The following APBB1IP variants were observed in gnomAD, a reference collection of about 807,000 sequenced individuals.
APBB1IP encodes amyloid beta A4 precursor protein-binding family B member 1-interacting protein.
APBB1IP carries 27 observed loss-of-function variants against 64.9 expected under a neutral mutation model. The ratio of observed to expected loss-of-function variants is 0.42; its 90% CI spans 0.31 to 0.57. The LOEUF is 0.57. Ranked by LOEUF, APBB1IP falls within the 20% of genes least tolerant of loss-of-function variation. The pLI is 0.20. For missense variants in APBB1IP, 812 were observed against 845.5 expected, an observed-to-expected ratio of 0.96 and a Z score of 0.49; for synonymous variants, 392 against 331.0, an observed-to-expected ratio of 1.18 and a Z score of -2.00.
intron 2 of APBB1IP, among the ~76,000 whole-genome samples, chr10:26,475,732 A>G (rs1835767880): frequency 6.6e-6 from 1 of 152,164 alleles, no homozygotes; most frequent in African/African-American, 2.4e-5. Flanking sequence ...AGACCAGATA[A>G]TATATCAGCA....
At chr10:26,496,125 T>C (rs1836021182) in intron 3 of APBB1IP, among the ~76,000 whole-genome samples, 179 bp from the exon 4 acceptor site, 2 of 151,466 alleles carry the variant, frequency 1.3e-5, no homozygotes, top group African/African-American at 4.9e-5. Context: ...ATTTTTAAGC[T>C]GTAATTTTCT....
chr10:26,493,859 CAG>C (rs1223658982), intron 3 of APBB1IP, among the ~76,000 whole-genome samples: 1 of 152,122 alleles, frequency 6.6e-6, no homozygotes, highest in South Asian at 2.1e-4. Flanking sequence ...TCTTGAGAGA[CAG>C]AGTCTCACTG....
chr10:26,438,899 G>C (rs976861004), intron 2 of APBB1IP, 46 bp downstream of exon 2: 2 of 152,118 alleles, frequency 1.3e-5, no homozygotes, highest in Non-Finnish European at 2.9e-5. Flanking sequence ...CGCCAGCACG[G>C]GCCCCTCGGG....
At chr10:26,522,224 A>G (rs1836411834) in intron 8 of APBB1IP, among the ~76,000 whole-genome samples, 1 of 152,128 alleles carries the variant, frequency 6.6e-6, no homozygotes, top group South Asian at 2.1e-4. Context: ...CTTTCTTTTC[A>G]GAACAGTTAG....
chr10:26,561,460 G>A lies in APBB1IP; in HGVS notation c.1369+616G>A, dbSNP rs146005539. ...CTGGAGCCCTGTATCTATTTTAAGC[G>A]CCTTTTAACAAAGCTTTGACCACTT... On this transcript the variant is annotated intron_variant, in intron 13 of 14. Transcript: ENST00000376236. Among the ~76,000 whole-genome samples the A allele has an allele frequency of 4.0e-3, 588 of 148,732 alleles. 2 individuals are homozygous for A. The highest frequency in any genetic ancestry group is 0.014 in the African/African-American group (562 of 40,474).
intron 14 of APBB1IP, 53 bp from the exon 15 acceptor site, chr10:26,566,908 T>A (rs1010867244): frequency 4.0e-6 from 6 of 1,497,834 alleles, no homozygotes; most frequent in Non-Finnish European, 5.3e-6. Context: ...AACAATAAAT[T>A]TAAAATTTCA....
At position 26,567,110 on chromosome 10, in the gene APBB1IP, A is replaced by C; in HGVS notation, c.1623A>C (p.Thr541=). The change falls in exon 15 of 15, where the codon ACA becomes ACC. Residue 541 remains threonine, a synonymous_variant. Coordinates refer to ENST00000376236, the MANE Select transcript of APBB1IP (RefSeq NM_019043.4). ...SPATPLKAKG[T]GGGGLPAPPD... ...CCACGCCCCTCAAGGCCAAGGGCAC[A>C]GGCGGCGGGGGCTTGCCCGCCCCAC... 1 of 1,431,096 alleles carries C rather than the reference A, an allele frequency of 7.0e-7. No homozygotes were observed. The highest frequency in any genetic ancestry group is 1.5e-5 in the African/African-American group (1 of 65,606). 88.6% of individuals were successfully genotyped at this position (1,431,096 alleles called of 1,614,324 possible). A position where few individuals can be genotyped will look rare whatever the true frequency, so the allele number is the denominator to read the frequency against.
chr10:26,480,324 C>T (rs1835820140), intron 2 of APBB1IP, among the ~76,000 whole-genome samples: 1 of 152,156 alleles, frequency 6.6e-6, no homozygotes, highest in South Asian at 2.1e-4. Context: ...TTGTGTGCTG[C>T]TGCTGGGGTG....
At chr10:26,449,978 C>A (rs1245898365) in intron 2 of APBB1IP, among the ~76,000 whole-genome samples, 2 of 151,912 alleles carry the variant, frequency 1.3e-5, no homozygotes, top group African/African-American at 4.8e-5. Context: ...TATACTCCAA[C>A]CTGGGTGACA....
chr10:26,495,315 A>G (rs1836007509), intron 3 of APBB1IP, among the ~76,000 whole-genome samples: 1 of 151,790 alleles, frequency 6.6e-6, no homozygotes, highest in East Asian at 1.9e-4. Flanking sequence ...ATTTCTTAAG[A>G]TGAGGACTGT....
chr10:26,486,125 G>A (rs559401049), intron 2 of APBB1IP, among the ~76,000 whole-genome samples: 6 of 152,134 alleles, frequency 3.9e-5, no homozygotes, highest in South Asian at 2.1e-4. Context: ...AAAAGGCCCC[G>A]AATGGGACAA....
chr10:26,520,636 G>C (rs755856363), intron 8 of APBB1IP, among the ~76,000 whole-genome samples: 1 of 152,214 alleles, frequency 6.6e-6, no homozygotes, highest in Non-Finnish European at 1.5e-5. Flanking sequence ...TGATATGCTT[G>C]TGCAGGCATA....
chr10:26,532,914 G>A (rs545854884), intron 8 of APBB1IP, among the ~76,000 whole-genome samples: 80 of 152,292 alleles, frequency 5.3e-4, no homozygotes, highest in African/African-American at 1.6e-3. Context: ...GATTGACCCA[G>A]GCAGTTCTTT....
At position 26,562,382 on chromosome 10, in the gene APBB1IP, G is replaced by A. The variant is rs952583906; in HGVS notation, c.1426G>A (p.Val476Ile). 6.2e-7 allele frequency: 1 copy of A among 1,613,830 alleles called. No homozygotes were observed. The highest frequency in any genetic ancestry group is 1.3e-5 in the African/African-American group (1 of 74,904). The change falls in exon 14 of 15, where the codon GTC becomes ATC. Residue 476 changes from valine to isoleucine, a missense_variant. By Grantham distance (29) the Val-to-Ile change is conservative. This residue lies in a region of APBB1IP where 381 missense variants were observed against 352.1 expected (regional missense o/e 1.08). Coordinates refer to ENST00000376236, the MANE Select transcript of APBB1IP (RefSeq NM_019043.4). ...ACAGATTCCCCAGGCTACACATTCT[G>A]TCAGTGCTGTTCTCCAAGAGGCCCA... The part of the protein sequence containing the change: ...NGQIPQATHS[V>I]SAVLQEAQRH...
intron 2 of APBB1IP, among the ~76,000 whole-genome samples, chr10:26,466,960 C>T (rs1835655199): frequency 6.6e-6 from 1 of 151,906 alleles, no homozygotes; most frequent in Admixed American, 6.6e-5. Context: ...TGTAGTTGTC[C>T]AGGGCAGGAA....
At chr10:26,486,877 G>A (rs548331158) in intron 2 of APBB1IP, among the ~76,000 whole-genome samples, 3 of 152,124 alleles carry the variant, frequency 2.0e-5, no homozygotes, top group African/African-American at 4.8e-5. Flanking sequence ...TTTCCTTGTC[G>A]TTCAAGGAAT....
intron 2 of APBB1IP, among the ~76,000 whole-genome samples, chr10:26,464,588 G>A (rs1292476071): frequency 6.6e-6 from 1 of 152,052 alleles, no homozygotes; most frequent in Non-Finnish European, 1.5e-5. Flanking sequence ...TTGTATGTGT[G>A]TGTGGAGACA....
chr10:26,567,167 G>T lies in APBB1IP; in HGVS notation c.1680G>T (p.Pro560=). The T allele has an allele frequency of 7.1e-7, 1 of 1,415,314 alleles. No homozygotes were observed. Among genetic ancestry groups the T allele is most frequent in the Non-Finnish European group, 9.2e-7 (1 of 1,091,384 alleles). 87.7% of individuals were successfully genotyped at this position (1,415,314 alleles called of 1,614,324 possible). The change falls in exon 15 of 15, where the codon CCG becomes CCT. Residue 560 remains proline, a synonymous_variant. Transcript: ENST00000376236. The stretch of plus-strand genomic sequence containing the variant: ...ACTTCCTGCCGCCGCCGCCACCGCC[G>T]CCGCCCCTCGATGACCCTGAGCTCC... ...PDDFLPPPPP[P]PPLDDPELPP...
At chr10:26,501,932 T>C (rs1836106414) in intron 5 of APBB1IP, 1 of 152,234 alleles carries the variant, frequency 6.6e-6, no homozygotes, top group Non-Finnish European at 1.5e-5. Flanking sequence ...AATTATACTC[T>C]ATCACACACA....
Sources: allele counts gnomAD v4.1 joint callset (sites outside exome capture counted in the v4.1 genomes callset), GRCh38; gene constraint gnomAD v4.1.1; regional missense constraint gnomAD v4.1.1; transcripts MANE v1.5; gene names NCBI Gene and HGNC (gene_info 2026-07-23, HGNC 2026-07-21).